The following NEK1 variants were observed in gnomAD, a reference collection of about 807,000 sequenced individuals.
NEK1 encodes NIMA related kinase 1.
In NEK1, 137 loss-of-function variants were observed where a neutral mutation model predicts 182.1. That is an observed-to-expected ratio of 0.75 (90% CI 0.65 to 0.87). The LOEUF is 0.87. Among genes scored for constraint, NEK1 ranks in the 40% least tolerant of loss-of-function variants. The probability of loss-of-function intolerance (pLI) is 0.00; values close to 1 mark genes in which losing one functional copy is unlikely to be tolerated. For synonymous variants in NEK1, 513 were observed against 492.2 expected, an observed-to-expected ratio of 1.04 and a Z score of -0.56; for missense variants, 1,391 against 1,494.4, an observed-to-expected ratio of 0.93 and a Z score of 1.14.
rs1561455495 is a variant in NEK1 at position 169,580,879 on chromosome 4, T to C, written c.831A>G (p.Leu277=). The part of the protein sequence containing the change: ...SPQLIAEEFC[L]KTFSKFGSQP... ...GTGATCCAAACTTCGAAAATGTTTT[T>C]AGACAAAATTCTTCTGCAATAAGCT... Residue 277 remains leucine (L), a synonymous_variant, in exon 11 of 36, where the codon CTA becomes CTG. Coordinates refer to ENST00000507142, the MANE Select transcript of NEK1 (RefSeq NM_001199397.3). 9.8e-6 allele frequency: 15 copies of C among 1,531,660 alleles called. No homozygotes were observed. Among genetic ancestry groups the C allele is most frequent in the African/African-American group, 1.4e-5 (1 of 72,554 alleles). 94.9% of individuals were successfully genotyped at this position (1,531,660 alleles called of 1,614,324 possible).
At chr4:169,521,441 T>A (rs1580430628) in intron 19 of NEK1, among the ~76,000 whole-genome samples, 1 of 150,138 alleles carries the variant, frequency 6.7e-6, no homozygotes. Context: ...GTACCTCAGA[T>A]GGAAATGCAG....
chr4:169,598,669 G>A lies in NEK1; in HGVS notation c.312+431C>T, dbSNP rs577529022. 9.9e-4 allele frequency among the ~76,000 whole-genome samples: 151 copies of A among 152,198 alleles called. 1 individual carries two copies. The highest frequency in any genetic ancestry group is 3.4e-3 in the African/African-American group (141 of 41,536). On this transcript the variant is annotated intron_variant, in intron 5 of 35. Transcript: ENST00000507142. ...AAATAAGGCTGCTTAGGTAGGGAAC[G>A]GCCATATTTTAGAGATCCTGGAAAT...
At chr4:169,416,683 T>C (rs563452095) in intron 31 of NEK1, among the ~76,000 whole-genome samples, 39 of 152,300 alleles carry the variant, frequency 2.6e-4, no homozygotes, top group African/African-American at 8.4e-4. Flanking sequence ...GGTGGGAGGA[T>C]TGCTTAAGCC....
In NEK1 at chr4:169,508,167, G is replaced by A. The variant is rs1753616674; in HGVS notation, c.1833+81C>T. 33 of 1,215,576 alleles carry A rather than the reference G, an allele frequency of 2.7e-5. No individual in the cohort carries two copies. The South Asian group carries it at 4.5e-4, about 17-fold the overall frequency. The allele number at this position is 1,215,576 out of a possible 1,614,324, so 75.3% of individuals were successfully genotyped here. On this transcript the variant is annotated intron_variant, in intron 21 of 35. Transcript: ENST00000507142. ...CATCAGTTTTGTTGTTGTTGTCGTT[G>A]TTGTTAATGGCACAGCATTTTAAAT...
intron 12 of NEK1, among the ~76,000 whole-genome samples, chr4:169,564,593 T>C (rs1238105465): frequency 6.6e-6 from 1 of 152,090 alleles, no homozygotes; most frequent in Non-Finnish European, 1.5e-5. Context: ...TGTGTCACCA[T>C]ATATTAAAAA....
intron 9 of NEK1, among the ~76,000 whole-genome samples, chr4:169,587,109 A>T (rs576035634): frequency 6.6e-6 from 1 of 151,952 alleles, no homozygotes; most frequent in East Asian, 1.9e-4. Flanking sequence ...CAAAAGTAAA[A>T]ATTTTAAATA....
rs1344892401 is a variant in NEK1 at position 169,562,180 on chromosome 4, T to C, written c.1037A>G (p.Glu346Gly). Residue 346 changes from glutamate to glycine, a missense_variant, in exon 13 of 36, where the codon GAG becomes GGG. This residue lies in a region of NEK1 where 1,216 missense variants were observed against 1,277.6 expected (regional missense o/e 0.95). Coordinates refer to ENST00000507142, the MANE Select transcript of NEK1 (RefSeq NM_001199397.3). ...QKHKQAHQTP[E>G]KRVNTGEERR... ...TTCTTCTCCAGTATTCACTCTCTTC[T>C]CTGGAGTTTGATGGGCCTGGACAAA... is the stretch of plus-strand genomic sequence containing the variant. 3.9e-6 allele frequency: 6 copies of C among 1,548,180 alleles called. No individual in the cohort carries two copies. The highest frequency in any genetic ancestry group is 5.2e-6 in the Non-Finnish European group (6 of 1,144,520).
In NEK1 at chr4:169,395,886, T is replaced by C. The variant is rs1730596852; in HGVS notation, c.3848-1363A>G. 3.3e-5 allele frequency among the ~76,000 whole-genome samples: 5 copies of C among 152,236 alleles called. No individual in the cohort carries two copies. The South Asian group carries it at 1.0e-3, about 31-fold the overall frequency. On this transcript the variant is annotated intron_variant, in intron 35 of 35. Transcript: ENST00000507142. ...ACATGCACATCTAAATAAAATTGTTTAGAAACACTACATAAATGGTGTAAT... is the reference window on the plus strand; with the variant it reads ...ACATGCACATCTAAATAAAATTGTTCAGAAACACTACATAAATGGTGTAAT...
chr4:169,508,777 C>G lies in NEK1; in HGVS notation c.1741G>C (p.Glu581Gln), dbSNP rs1377031558. Reference protein sequence around the residue: ...SSRGGKPRNKEEEVYLARLRQ... With the variant: ...SSRGGKPRNKQEEVYLARLRQ... ...ACATGCGGGAAGCATACCTCTTCCTCTTTGTTTCTTGGCTTCCCTCCTCTT... is the reference window on the plus strand; with the variant it reads ...ACATGCGGGAAGCATACCTCTTCCTGTTTGTTTCTTGGCTTCCCTCCTCTT... The change falls in exon 20 of 36, where the codon GAG becomes CAG. Residue 581 changes from glutamate to glutamine, a missense_variant. By Grantham distance (29) the Glu-to-Gln change is conservative. Around this residue, in one of 5 missense-constraint regions of NEK1, gnomAD observed 1,216 missense variants for 1,277.6 expected, o/e 0.95. Coordinates refer to ENST00000507142, the MANE Select transcript of NEK1 (RefSeq NM_001199397.3). The G allele has an allele frequency of 6.3e-7, 1 of 1,580,834 alleles. No homozygotes were observed. Among genetic ancestry groups the G allele is most frequent in the Admixed American group, 1.7e-5 (1 of 57,648 alleles).
intron 18 of NEK1, among the ~76,000 whole-genome samples, chr4:169,550,452 T>C (rs1761255448): frequency 6.6e-6 from 1 of 152,210 alleles, no homozygotes; most frequent in Admixed American, 6.5e-5. Flanking sequence ...AACCAAACTG[T>C]CCAGCTTCAA....
At chr4:169,556,443 T>C (rs991517026) in intron 16 of NEK1, among the ~76,000 whole-genome samples, 4 of 152,198 alleles carry the variant, frequency 2.6e-5, no homozygotes, top group Non-Finnish European at 4.4e-5. Flanking sequence ...TGTTTATGTA[T>C]AGCTTATGAG....
chr4:169,574,103 A>T (rs2150020067), intron 12 of NEK1, among the ~76,000 whole-genome samples: 2 of 152,292 alleles, frequency 1.3e-5, no homozygotes, highest in East Asian at 3.9e-4. Context: ...GGCAGCAGTG[A>T]GCCATGACCG....
intron 14 of NEK1, 21 bp downstream of exon 14, chr4:169,561,799 GCCAAAGGTAGAA>G: frequency 6.2e-7 from 1 of 1,603,522 alleles, no homozygotes; most frequent in East Asian, 2.2e-5. Context: ...TTAACAACTT[GCCAAAGGTAGAA>G]AAACAAGAGC....
intron 19 of NEK1, among the ~76,000 whole-genome samples, chr4:169,513,966 G>GTTAT (rs35041721): frequency 0.21 from 30,814 of 144,486 alleles, 3,440 homozygotes; most frequent in South Asian, 0.37. Context: ...GAGGATTTTT[G>GTTAT]TTATTTATTT....
intron 27 of NEK1, among the ~76,000 whole-genome samples, chr4:169,461,161 C>T (rs1023273496): frequency 2.0e-5 from 3 of 152,114 alleles, no homozygotes; most frequent in Non-Finnish European, 4.4e-5. Flanking sequence ...AGGATTGGAA[C>T]CAAAGCCCAT....
chr4:169,584,296 A>G (rs1470374613), intron 10 of NEK1, among the ~76,000 whole-genome samples: 8 of 152,194 alleles, frequency 5.3e-5, no homozygotes, highest in Non-Finnish European at 1.0e-4. Context: ...GAATATAACT[A>G]TAATATATAA....
chr4:169,582,998 A>G (rs772958498), intron 10 of NEK1, among the ~76,000 whole-genome samples: 1 of 152,174 alleles, frequency 6.6e-6, no homozygotes, highest in African/African-American at 2.4e-5. Context: ...CAAGACTGAA[A>G]ACTAGGCCCT....
intron 19 of NEK1, among the ~76,000 whole-genome samples, chr4:169,515,511 T>A (rs1165335203): frequency 6.6e-6 from 1 of 151,688 alleles, no homozygotes; most frequent in Non-Finnish European, 1.5e-5. Flanking sequence ...TTTTTTTTTT[T>A]TTTATTATAC....
chr4:169,504,283 G>C (rs867974077), intron 23 of NEK1, among the ~76,000 whole-genome samples: 4 of 152,092 alleles, frequency 2.6e-5, no homozygotes, highest in Non-Finnish European at 4.4e-5. Context: ...CTGTTGGTAG[G>C]AATGTAAACT....
Sources: allele counts gnomAD v4.1 joint callset (sites outside exome capture counted in the v4.1 genomes callset), GRCh38; gene constraint gnomAD v4.1.1; regional missense constraint gnomAD v4.1.1; transcripts MANE v1.5; gene names NCBI Gene and HGNC (gene_info 2026-07-23, HGNC 2026-07-21).